DST: variants seen among roughly 807,000 people sequenced by gnomAD.
DST encodes the protein bullous pemphigoid antigen.
A neutral mutation model predicts 875.2 loss-of-function variants in DST; 253 were observed. The ratio of observed to expected loss-of-function variants is 0.29; its 90% CI spans 0.26 to 0.32. DST has a LOEUF of 0.32. Among genes scored for constraint, DST ranks in the 10% least tolerant of loss-of-function variants. The pLI is 1.00. For synonymous variants in DST, 3,124 were observed against 3,197.1 expected (o/e 0.98, Z 0.77); for missense variants, 8,287 against 9,111.6 (o/e 0.91, Z 3.68).
At chr6:56,632,758 T>A in intron 28 of DST, 96 bp downstream of exon 28, 1 of 980,910 alleles carries the variant, frequency 1.0e-6, no homozygotes, top group South Asian at 1.3e-5. Flanking sequence ...GGCTGGGTGA[T>A]ACAATATACC....
At chr6:56,484,430 T>C (rs1030817429) in intron 88 of DST, 1 of 152,086 alleles carries the variant, frequency 6.6e-6, no homozygotes, top group African/African-American at 2.4e-5. Context: ...AAAATAAATA[T>C]GTAATAAGAC....
At chr6:56,631,170 T>C in intron 30 of DST, 41 bp downstream of exon 30, 2 of 1,091,964 alleles carry the variant, frequency 1.8e-6, no homozygotes, top group Admixed American at 4.6e-5. Context: ...AAAATGAGAG[T>C]TGTATGAAGC....
At position 56,508,398 on chromosome 6, in the gene DST, A is replaced by G. The variant is rs2096391907; in HGVS notation, c.19239+131T>C. On this transcript the variant is annotated intron_variant, in intron 75 of 103. Transcript: ENST00000680361. ...GTGGGTATACTCTATCTCCTACTGT[A>G]TCACTGCACATTCCATTTTCAGAAC... is the stretch of plus-strand genomic sequence containing the variant. 7 of 726,688 alleles carry G rather than the reference A, an allele frequency of 9.6e-6. No individual in the cohort carries two copies. The South Asian group carries it at 1.3e-4, about 13-fold the overall frequency. 45.0% of individuals were successfully genotyped at this position (726,688 alleles called of 1,614,324 possible).
intron 2 of DST, among the ~76,000 whole-genome samples, chr6:56,952,157 G>A (rs1329132835): frequency 6.6e-6 from 1 of 152,182 alleles, no homozygotes; most frequent in African/African-American, 2.4e-5. Flanking sequence ...ATCTTATGAA[G>A]TGAGTTAAGG....
intron 32 of DST, among the ~76,000 whole-genome samples, 160 bp from the exon 33 acceptor site, chr6:56,628,321 C>A (rs2098751021): frequency 6.6e-6 from 1 of 152,170 alleles, no homozygotes; most frequent in African/African-American, 2.4e-5. Context: ...GAGGCACACC[C>A]CCAAGGGCAT....
chr6:56,649,259 G>A (rs2098961049), intron 12 of DST, among the ~76,000 whole-genome samples: 1 of 152,162 alleles, frequency 6.6e-6, no homozygotes, highest in Admixed American at 6.5e-5. Flanking sequence ...CTCTGTTTAA[G>A]TATTTGATGA....
At chr6:56,880,702 G>GA (rs1278713001) in intron 3 of DST, among the ~76,000 whole-genome samples, 1,012 of 89,698 alleles carry the variant, frequency 0.011, 7 homozygotes, top group East Asian at 0.034. Flanking sequence ...AAAGAAAAAA[G>GA]AAAAAAAAAA....
At chr6:56,536,598 T>C (rs1219401464) in intron 62 of DST, among the ~76,000 whole-genome samples, 181 bp downstream of exon 62, 1 of 152,186 alleles carries the variant, frequency 6.6e-6, no homozygotes, top group Non-Finnish European at 1.5e-5. Context: ...TTTGCTTCCT[T>C]TCATTTAGAT....
In DST at chr6:56,460,188, C is replaced by T. The variant is rs1265148143; in HGVS notation, c.23137G>A (p.Gly7713Arg). The T allele has an allele frequency of 1.9e-6, 3 of 1,614,006 alleles. No individual in the cohort carries two copies. Among genetic ancestry groups the T allele is most frequent in the Non-Finnish European group, 2.5e-6 (3 of 1,179,884 alleles). Residue 7713 changes from glycine (G) to arginine (R), a missense_variant, in exon 103 of 104, where the codon GGG becomes AGG. Gly to Arg is a moderately radical substitution (Grantham distance 125). Transcript: ENST00000680361. ...GTTGTTATCAAGCCACTGTCCTCCC[C>T]AGAGTGGAAGCCTTTCCCTGATAAA... The part of the protein sequence containing the change: ...GYLSGKGFHS[G>R]EDSGLITTAA...
chr6:56,726,754 C>T (rs990880378), intron 5 of DST, among the ~76,000 whole-genome samples: 26 of 152,188 alleles, frequency 1.7e-4, no homozygotes, highest in African/African-American at 6.3e-4. Context: ...CCTTTCACTT[C>T]TCCATCATAG....
At chr6:56,627,426 C>T (rs2098744736) in intron 33 of DST, 139 bp from the exon 34 acceptor site, 1 of 718,800 alleles carries the variant, frequency 1.4e-6, no homozygotes, top group Non-Finnish European at 2.5e-6. Context: ...CACAACTTGC[C>T]TTATGGGAAA....
chr6:56,661,189 A>G (rs1391250531), intron 10 of DST, among the ~76,000 whole-genome samples: 1 of 152,156 alleles, frequency 6.6e-6, no homozygotes, highest in Non-Finnish European at 1.5e-5. Context: ...ATTATGGTAG[A>G]AAACTAAATC....
At chr6:56,475,290 G>T (rs1020335707) in intron 92 of DST, among the ~76,000 whole-genome samples, 11 of 151,918 alleles carry the variant, frequency 7.2e-5, no homozygotes, top group Admixed American at 3.9e-4. Flanking sequence ...ACACCTTTCT[G>T]GAATATTTGT....
At chr6:56,882,116 C>G (rs1054890855) in intron 3 of DST, among the ~76,000 whole-genome samples, 18 of 152,176 alleles carry the variant, frequency 1.2e-4, no homozygotes, top group Non-Finnish European at 1.9e-4. Flanking sequence ...GGAGAAAAGG[C>G]TCAAAGCAAT....
chr6:56,800,428 A>G (rs2099745337), intron 4 of DST, among the ~76,000 whole-genome samples: 1 of 152,226 alleles, frequency 6.6e-6, no homozygotes, highest in Non-Finnish European at 1.5e-5. Context: ...CTTATCCATT[A>G]TAATACTGAT....
At chr6:56,680,015 C>T (rs1474887427) in intron 9 of DST, among the ~76,000 whole-genome samples, 3 of 152,112 alleles carry the variant, frequency 2.0e-5, no homozygotes, top group Admixed American at 6.6e-5. Flanking sequence ...TTCCCTCTCA[C>T]GTGGGTCTCT....
intron 3 of DST, among the ~76,000 whole-genome samples, chr6:56,891,715 C>T (rs1787617128): frequency 6.6e-6 from 1 of 151,274 alleles, no homozygotes; most frequent in Non-Finnish European, 1.5e-5. Flanking sequence ...GCCTGGGTGA[C>T]AGAGCAAAAC....
chr6:56,712,090 C>CAAAAA (rs34769867), intron 5 of DST, among the ~76,000 whole-genome samples: 12 of 76,558 alleles, frequency 1.6e-4, no homozygotes, highest in South Asian at 8.1e-4. Context: ...GACTCCGTCT[C>CAAAAA]AAAAAAAAAA....
chr6:56,507,647 G>C (rs772193338), intron 75 of DST, among the ~76,000 whole-genome samples: 2 of 152,216 alleles, frequency 1.3e-5, no homozygotes, highest in African/African-American at 4.8e-5. Context: ...CAAAGGCACT[G>C]ACGCTAGAAA....
Sources: gnomAD v4.1 joint callset for allele counts (sites outside exome capture counted in the v4.1 genomes callset) on GRCh38, gnomAD v4.1.1 for gene constraint, MANE v1.5 for transcripts, NCBI Gene and HGNC (gene_info 2026-07-23, HGNC 2026-07-21) for gene names.